Variants in TBC1D16 observed in about 807,000 individuals in gnomAD.
The protein encoded by TBC1D16 is TBC1 domain family member 16, also known as CTD-2529O21.1.
TBC1D16 carries 58 observed loss-of-function variants against 74.7 expected under a neutral mutation model. The observed-to-expected ratio is 0.78, with a 90% confidence interval of 0.63 to 0.97. The LOEUF (loss-of-function observed/expected upper bound fraction) is 0.97. Ranked by LOEUF, TBC1D16 falls within the 50% of genes least tolerant of loss-of-function variation. The pLI is 0.00. For missense variants in TBC1D16, 1,014 were observed against 1,079.5 expected, an observed-to-expected ratio of 0.94 and a Z score of 0.85; for synonymous variants, 493 against 474.7, an observed-to-expected ratio of 1.04 and a Z score of -0.50.
chr17:79,948,036 C>T (rs748819221), intron 8 of TBC1D16, among the ~76,000 whole-genome samples: 3 of 152,206 alleles, frequency 2.0e-5, no homozygotes, highest in South Asian at 2.1e-4. Flanking sequence ...CCTGGCCGGG[C>T]GCGGTGGCCC....
intron 3 of TBC1D16, among the ~76,000 whole-genome samples, chr17:80,003,230 C>A (rs576875729): frequency 6.6e-6 from 1 of 152,330 alleles, no homozygotes; most frequent in Admixed American, 6.5e-5. Flanking sequence ...TCTGACCTGG[C>A]AGGAACTGCA....
Position 79,975,191 on chromosome 17 carries a change from ATTTTG to A in TBC1D16, c.780-22378_780-22374del, listed in dbSNP as rs1271593166. On this transcript the variant is annotated intron_variant, in intron 3 of 11. Coordinates refer to ENST00000310924, the MANE Select transcript of TBC1D16 (RefSeq NM_019020.4). The surrounding 1 kb of genome is among the most constrained non-coding windows in gnomAD (Gnocchi z 4.5). Reference sequence around the variant, plus strand: ...ATTTTTGGACAGCGAGTTCTGTTTCATTTTGTTTTGTTTTTCCCTTTGCATTTGGT... The same window carrying A: ...ATTTTTGGACAGCGAGTTCTGTTTCATTTTGTTTTTCCCTTTGCATTTGGT... Among the ~76,000 whole-genome samples, 4 of 152,166 alleles carry A rather than the reference ATTTTG, an allele frequency of 2.6e-5. No homozygotes were observed. Among genetic ancestry groups the A allele is most frequent in the African/African-American group, 9.7e-5 (4 of 41,400 alleles).
rs72848405 is a variant in TBC1D16, at chr17:79,981,964, T to C, written c.779+28196A>G. Among the ~76,000 whole-genome samples the C allele has an allele frequency of 0.17, 25,666 of 152,222 alleles. 2,278 individuals carry two copies. The highest frequency in any genetic ancestry group is 0.19 in the Non-Finnish European group (13,154 of 67,984). On this transcript the variant is annotated intron_variant, in intron 3 of 11. Transcript: ENST00000310924. This position sits in a 1 kb window ranked among gnomAD's most constrained non-coding sequence, Gnocchi z 6.9. ...ACATGTATTAAAGCAAAAGTGAGATTGTGCTGTCAACATTGTGTTACGCCT... is the reference window on the plus strand; with the variant it reads ...ACATGTATTAAAGCAAAAGTGAGATCGTGCTGTCAACATTGTGTTACGCCT...
intron 3 of TBC1D16, among the ~76,000 whole-genome samples, chr17:79,968,724 G>A (rs1364468958): frequency 2.6e-5 from 4 of 151,306 alleles, no homozygotes; most frequent in Admixed American, 2.0e-4. Flanking sequence ...ATTGTGGCGG[G>A]CGCCTGTAGT....
At chr17:79,949,983 A>T in intron 6 of TBC1D16, 118 bp from the exon 7 acceptor site, 1 of 1,242,664 alleles carries the variant, frequency 8.0e-7, no homozygotes, top group Non-Finnish European at 1.1e-6. Flanking sequence ...GATCTCTGCA[A>T]TTTGCACATA....
intron 1 of TBC1D16, among the ~76,000 whole-genome samples, chr17:80,025,115 C>CATACCATGACACACA (rs1378974240): frequency 0.6 from 49,258 of 81,944 alleles, 12,558 homozygotes; most frequent in Admixed American, 0.67. Flanking sequence ...CACACAAACA[C>CATACCATGACACACA]CACAGACACA....
At position 79,983,862 on chromosome 17, in the gene TBC1D16, T is replaced by A. The variant is rs1001634693; in HGVS notation, c.779+26298A>T. On this transcript the variant is annotated intron_variant, in intron 3 of 11. Transcript: ENST00000310924. This position sits in a 1 kb window ranked among gnomAD's most constrained non-coding sequence, Gnocchi z 5.6. ...GGCATGTATCAAATATGACAAAATTTAAAAAAAATTTAAATTTATTTAGAG... is the reference window on the plus strand; with the variant it reads ...GGCATGTATCAAATATGACAAAATTAAAAAAAAATTTAAATTTATTTAGAG... Among the ~76,000 whole-genome samples, 15 of 152,132 alleles carry A rather than the reference T, an allele frequency of 9.9e-5. No homozygotes were observed. Among genetic ancestry groups the A allele is most frequent in the African/African-American group, 2.4e-4 (10 of 41,490 alleles).
rs2033565214 is a variant in TBC1D16 at position 79,960,780 on chromosome 17, A to AAAAAAAAAAAAAAAC, written c.780-7963_780-7962insGTTTTTTTTTTTTTT. Among the ~76,000 whole-genome samples the AAAAAAAAAAAAAAAC allele has an allele frequency of 2.4e-5, 2 of 82,336 alleles. 1 individual carries two copies. The highest frequency in any genetic ancestry group is 4.6e-5 in the Non-Finnish European group (2 of 43,642). The allele number at this position is 82,336 out of a possible 152,430, so 54.0% of individuals were successfully genotyped here. A position where few individuals can be genotyped will look rare whatever the true frequency, so the allele number is the denominator to read the frequency against. On this transcript the variant is annotated intron_variant, in intron 3 of 11. Coordinates refer to ENST00000310924, the MANE Select transcript of TBC1D16 (RefSeq NM_019020.4). ...AAAAAAACCCAAAAAACAAAAACCC[A>AAAAAAAAAAAAAAAC]AAAAAAAAAAAAAAAAAAAAAAAAA...
At position 80,013,352 on chromosome 17, in the gene TBC1D16, C is replaced by T. The variant is rs1399718685; in HGVS notation, c.181+15G>A. 6.3e-6 allele frequency: 10 copies of T among 1,591,276 alleles called. No homozygotes were observed. Among genetic ancestry groups the T allele is most frequent in the South Asian group, 1.1e-5 (1 of 87,888 alleles). On this transcript the variant is annotated intron_variant, in intron 2 of 11. Transcript: ENST00000310924. ...TGGGCTGTGCGACCCTGGAGCCTCG[C>T]CTGCCCTGGCTCACCTGGGTGGTGC...
chr17:79,933,846 C>G lies in TBC1D16; in HGVS notation c.*7013G>C, dbSNP rs970205232. The G allele has an allele frequency of 1.3e-5, 2 of 152,236 alleles. No individual in the cohort carries two copies. The highest frequency in any genetic ancestry group is 4.8e-5 in the African/African-American group (2 of 41,456). 9.4% of individuals were successfully genotyped at this position (152,236 alleles called of 1,614,324 possible). ...GCGCTCCTGCCTTGCTTCCCTAGAG[C>G]GAGCCCACGGTACCATAGTCCTCGT... is the stretch of plus-strand genomic sequence containing the variant. On this transcript the variant is annotated 3_prime_UTR_variant, in exon 12 of 12. Coordinates refer to ENST00000310924, the MANE Select transcript of TBC1D16 (RefSeq NM_019020.4).
intron 1 of TBC1D16, among the ~76,000 whole-genome samples, chr17:80,019,784 T>C (rs1302768298): frequency 4.0e-5 from 6 of 149,788 alleles, no homozygotes; most frequent in Non-Finnish European, 8.8e-5. Context: ...TGCCCTATAA[T>C]GAATGAGTTA....
At chr17:80,016,471 G>T (rs2036094756) in intron 1 of TBC1D16, among the ~76,000 whole-genome samples, 1 of 152,106 alleles carries the variant, frequency 6.6e-6, no homozygotes, top group Non-Finnish European at 1.5e-5. Flanking sequence ...ATTAGTGGAG[G>T]GTCTCCGGGT....
At chr17:79,968,079 G>A (rs189057588) in intron 3 of TBC1D16, among the ~76,000 whole-genome samples, 3 of 151,130 alleles carry the variant, frequency 2.0e-5, no homozygotes, top group South Asian at 4.2e-4. Flanking sequence ...TGCAACCTCC[G>A]CCTCCTGAGT....
Position 79,987,791 on chromosome 17 carries a change from G to C in TBC1D16, c.779+22369C>G, listed in dbSNP as rs1568614360. On this transcript the variant is annotated intron_variant, in intron 3 of 11. Transcript: ENST00000310924. The surrounding 1 kb of genome is among the most constrained non-coding windows in gnomAD (Gnocchi z 5.2). Reference sequence around the variant, plus strand: ...GAGATTTGGGTTCCACAGAGTTTAGGGGCTCCTACAAACAGCGGCTTACGG... The same window carrying C: ...GAGATTTGGGTTCCACAGAGTTTAGCGGCTCCTACAAACAGCGGCTTACGG... Among the ~76,000 whole-genome samples, 1 of 151,882 alleles carries C rather than the reference G, an allele frequency of 6.6e-6. No homozygotes were observed. Among genetic ancestry groups the C allele is most frequent in the South Asian group, 2.1e-4 (1 of 4,796 alleles).
At chr17:80,029,734 G>T (rs1413814617) in intron 1 of TBC1D16, among the ~76,000 whole-genome samples, 1 of 152,178 alleles carries the variant, frequency 6.6e-6, no homozygotes, top group Non-Finnish European at 1.5e-5. Context: ...CCACGCGTAT[G>T]AGCTTCCTAC....
Position 79,950,294 on chromosome 17 carries a change from G to A in TBC1D16, c.1257+117C>T, listed in dbSNP as rs1346746173. The A allele has an allele frequency of 1.3e-5, 15 of 1,185,218 alleles. No homozygotes were observed. The highest frequency in any genetic ancestry group is 6.2e-5 in the African/African-American group (4 of 64,452). 73.4% of individuals were successfully genotyped at this position (1,185,218 alleles called of 1,614,324 possible). On this transcript the variant is annotated intron_variant, in intron 6 of 11. Transcript: ENST00000310924. The surrounding 1 kb of genome is among the most constrained non-coding windows in gnomAD (Gnocchi z 4.6). ...TCACACAAGAAAACGGGGCCCTCAC[G>A]AGGAGGTGGCCCGTGGGTGCGGGCG... is the stretch of plus-strand genomic sequence containing the variant.
Position 79,944,345 on chromosome 17 carries a change from G to A in TBC1D16, c.1908+563C>T, listed in dbSNP as rs941819470. Among the ~76,000 whole-genome samples, 8 of 152,170 alleles carry A rather than the reference G, an allele frequency of 5.3e-5. No homozygotes were observed. The highest frequency in any genetic ancestry group is 1.9e-4 in the African/African-American group (8 of 41,440). ...GACATCTCCAGCTTGTCCCTAGTTT[G>A]GGCGTTAAGGCCATGTGACAGAGCC... On this transcript the variant is annotated intron_variant, in intron 10 of 11. Coordinates refer to ENST00000310924, the MANE Select transcript of TBC1D16 (RefSeq NM_019020.4). The surrounding 1 kb of genome is among the most constrained non-coding windows in gnomAD (Gnocchi z 7.7).
At chr17:80,015,333 G>C (rs181730775) in intron 1 of TBC1D16, among the ~76,000 whole-genome samples, 2,013 of 152,248 alleles carry the variant, frequency 0.013, 20 homozygotes, top group South Asian at 0.044. Context: ...ACTCGGGAGG[G>C]TGAGGCAGGA....
intron 3 of TBC1D16, among the ~76,000 whole-genome samples, chr17:79,984,810 T>A (rs1304829156): frequency 6.6e-6 from 1 of 150,720 alleles, no homozygotes; most frequent in Non-Finnish European, 1.5e-5. Flanking sequence ...GACAAGCAGG[T>A]GAAAAGACCA....
Sources: allele counts gnomAD v4.1 joint callset (sites outside exome capture counted in the v4.1 genomes callset), GRCh38; gene constraint gnomAD v4.1.1; non-coding constraint Gnocchi (gnomAD v3.1); transcripts MANE v1.5; gene names NCBI Gene and HGNC (gene_info 2026-07-23, HGNC 2026-07-21).